Variants in SHROOM3 observed in about 807,000 individuals in gnomAD.
SHROOM3 encodes shroom family member 3.
SHROOM3 carries 47 observed loss-of-function variants against 138.6 expected under a neutral mutation model. The observed-to-expected ratio is 0.34, with a 90% CI of 0.27 to 0.43. SHROOM3 has a LOEUF of 0.43. Among genes scored for constraint, SHROOM3 ranks in the 20% least tolerant of loss-of-function variants. The pLI is 1.00. For synonymous variants in SHROOM3, 1,062 were observed against 1,063.3 expected (o/e 1.00, Z 0.02); for missense variants, 2,491 against 2,596.5 (o/e 0.96, Z 0.88).
intron 6 of SHROOM3, among the ~76,000 whole-genome samples, chr4:76,751,035 G>A (rs1331833405): frequency 1.3e-5 from 2 of 152,158 alleles, no homozygotes; most frequent in Non-Finnish European, 1.5e-5. Context: ...AAGTGCAGCC[G>A]ACAGGAAAAC....
intron 2 of SHROOM3, among the ~76,000 whole-genome samples, chr4:76,574,610 T>A (rs1733900932): frequency 6.6e-6 from 1 of 152,206 alleles, no homozygotes; most frequent in Non-Finnish European, 1.5e-5. Context: ...ACTCAAATCA[T>A]TTTGTGATTA....
At chr4:76,715,095 G>A (rs183883202) in intron 3 of SHROOM3, among the ~76,000 whole-genome samples, 2 of 152,248 alleles carry the variant, frequency 1.3e-5, no homozygotes, top group East Asian at 3.9e-4. Flanking sequence ...GTTCTAATTT[G>A]TGACATGTCA....
intron 2 of SHROOM3, among the ~76,000 whole-genome samples, chr4:76,578,370 A>G (rs754056563): frequency 1.3e-5 from 2 of 152,180 alleles, no homozygotes; most frequent in Non-Finnish European, 2.9e-5. Context: ...GCAGGGTGAC[A>G]AGCAAGTACT....
intron 2 of SHROOM3, among the ~76,000 whole-genome samples, chr4:76,659,157 C>T (rs751040688): frequency 6.6e-6 from 1 of 152,076 alleles, no homozygotes; most frequent in South Asian, 2.1e-4. Context: ...CATTGGAACC[C>T]TCATTGTGAA....
intron 1 of SHROOM3, among the ~76,000 whole-genome samples, chr4:76,525,534 A>G (rs555002266): frequency 7.2e-5 from 11 of 152,338 alleles, no homozygotes; most frequent in Middle Eastern, 6.8e-3. Context: ...TGACATCTCA[A>G]TGTGGTGTTA....
chr4:76,586,383 C>T (rs1364911051), intron 2 of SHROOM3: 1 of 985,712 alleles, frequency 1.0e-6, no homozygotes, highest in Non-Finnish European at 1.2e-6. Context: ...CCGCGGTGGG[C>T]CAGCCTTGGC....
Position 76,548,070 on chromosome 4 carries a change from G to A in SHROOM3, c.169-7539G>A, listed in dbSNP as rs531366978. On this transcript the variant is annotated intron_variant, in intron 1 of 10. Transcript: ENST00000296043. ...CTAGGAAAGGCCCCCTCTGGAAGAC[G>A]AATTTGTGTAAGACCTGGAGGAGGT... Among the ~76,000 whole-genome samples, 7 of 150,420 alleles carry A rather than the reference G, an allele frequency of 4.7e-5. No homozygotes were observed. The East Asian group carries it at 9.7e-4, about 21-fold the overall frequency.
At chr4:76,674,956 T>C (rs1366020805) in intron 2 of SHROOM3, among the ~76,000 whole-genome samples, 3 of 152,150 alleles carry the variant, frequency 2.0e-5, no homozygotes, top group Admixed American at 6.6e-5. Flanking sequence ...GGTCTTAGGG[T>C]TCATACCGGC....
At chr4:76,774,052 A>C (rs1325331799) in intron 10 of SHROOM3, among the ~76,000 whole-genome samples, 1 of 152,168 alleles carries the variant, frequency 6.6e-6, no homozygotes, top group East Asian at 1.9e-4. Flanking sequence ...CTGTTGATGT[A>C]GGCAATTGTC....
intron 1 of SHROOM3, among the ~76,000 whole-genome samples, chr4:76,489,349 T>A (rs1731802630): frequency 6.6e-6 from 1 of 152,154 alleles, no homozygotes; most frequent in African/African-American, 2.4e-5. Context: ...AAGTTAAAGA[T>A]GTAAAAGTTA....
At chr4:76,479,658 C>T (rs1007428708) in intron 1 of SHROOM3, among the ~76,000 whole-genome samples, 5 of 152,090 alleles carry the variant, frequency 3.3e-5, no homozygotes, top group Admixed American at 6.6e-5. Context: ...TCAAGAAGAA[C>T]AACCCCAAGA....
intron 2 of SHROOM3, among the ~76,000 whole-genome samples, chr4:76,669,623 C>T (rs997157808): frequency 6.6e-6 from 1 of 151,776 alleles, no homozygotes; most frequent in Admixed American, 6.6e-5. Context: ...AAAAAGAATC[C>T]TAGATACTTT....
intron 1 of SHROOM3, among the ~76,000 whole-genome samples, chr4:76,453,984 A>C (rs2109971422): frequency 6.6e-6 from 1 of 152,190 alleles, no homozygotes; most frequent in Middle Eastern, 3.4e-3. Flanking sequence ...ATTTTTTTCT[A>C]AGAGTTTTCT....
At chr4:76,490,864 T>C (rs1279151201) in intron 1 of SHROOM3, among the ~76,000 whole-genome samples, 1 of 147,518 alleles carries the variant, frequency 6.8e-6, no homozygotes, top group Non-Finnish European at 1.5e-5. Context: ...GGGAAAGAAC[T>C]GTGTTGGAGG....
At chr4:76,714,816 A>G (rs1314522439) in intron 3 of SHROOM3, among the ~76,000 whole-genome samples, 3 of 152,168 alleles carry the variant, frequency 2.0e-5, no homozygotes, top group Non-Finnish European at 4.4e-5. Context: ...TTATTCATTC[A>G]TGTCAGTAAG....
chr4:76,444,581 C>T (rs1355950151), intron 1 of SHROOM3, among the ~76,000 whole-genome samples: 2 of 148,922 alleles, frequency 1.3e-5, no homozygotes, highest in African/African-American at 4.9e-5. Flanking sequence ...ACTGCAACCT[C>T]CACCTCCCGG....
chr4:76,573,381 C>CAATAATAAT (rs6148528), intron 2 of SHROOM3, among the ~76,000 whole-genome samples: 7 of 141,050 alleles, frequency 5.0e-5, no homozygotes, highest in Admixed American at 2.1e-4. Flanking sequence ...TGCTGGTTGG[C>CAATAATAAT]AATAATAATA....
At chr4:76,621,245 G>A (rs7669852) in intron 2 of SHROOM3, among the ~76,000 whole-genome samples, 58,335 of 151,922 alleles carry the variant, frequency 0.38, 11,430 homozygotes, top group East Asian at 0.57. Flanking sequence ...GGAAGTTACC[G>A]AATGACAAGC....
At chr4:76,582,290 G>A (rs1430580201) in intron 2 of SHROOM3, among the ~76,000 whole-genome samples, 2 of 151,896 alleles carry the variant, frequency 1.3e-5, no homozygotes, top group African/African-American at 2.4e-5. Flanking sequence ...TGCCCTACAG[G>A]CATTTAAACC....
Sources: allele counts gnomAD v4.1 joint callset (sites outside exome capture counted in the v4.1 genomes callset), GRCh38; gene constraint gnomAD v4.1.1; transcripts MANE v1.5; gene names NCBI Gene and HGNC (gene_info 2026-07-23, HGNC 2026-07-21).